The following CHMP4B variants were observed in gnomAD, a reference collection of about 807,000 sequenced individuals.
The protein encoded by CHMP4B is SNF7 homolog associated with Alix 1.
CHMP4B carries 1 observed loss-of-function variant against 25.1 expected under a neutral mutation model. The ratio of observed to expected loss-of-function variants is 0.04; its 90% confidence interval spans 0.01 to 0.19. The LOEUF (loss-of-function observed/expected upper bound fraction) is 0.19. Among genes scored for constraint, CHMP4B ranks in the 10% least tolerant of loss-of-function variants. The pLI is 1.00. For synonymous variants in CHMP4B, 101 were observed against 115.6 expected (o/e 0.87, Z 0.81); for missense variants, 151 against 289.7 (o/e 0.52, Z 3.48).
intron 1 of CHMP4B, among the ~76,000 whole-genome samples, chr20:33,830,069 A>G (rs1979197301): frequency 6.6e-6 from 1 of 152,262 alleles, no homozygotes; most frequent in East Asian, 1.9e-4. Context: ...AGCTGGAACC[A>G]GAACCAGGTC....
chr20:33,813,193 T>C (rs1978688100), intron 1 of CHMP4B, among the ~76,000 whole-genome samples: 1 of 149,182 alleles, frequency 6.7e-6, no homozygotes, highest in Non-Finnish European at 1.5e-5. Context: ...GAAAGCAGCA[T>C]GGGAAAAGGC....
At chr20:33,832,439 A>G (rs1027640532) in intron 1 of CHMP4B, among the ~76,000 whole-genome samples, 2 of 152,182 alleles carry the variant, frequency 1.3e-5, no homozygotes, top group Non-Finnish European at 2.9e-5. Flanking sequence ...GGGCCACACC[A>G]AAGCGCCAGT....
chr20:33,815,067 CA>C (rs542256844), intron 1 of CHMP4B, among the ~76,000 whole-genome samples: 182 of 152,324 alleles, frequency 1.2e-3, no homozygotes, highest in African/African-American at 4.1e-3. Flanking sequence ...AGAATCCCAT[CA>C]GGGGCAAGGA....
chr20:33,834,104 T>C (rs567277930), intron 1 of CHMP4B, among the ~76,000 whole-genome samples: 3 of 152,212 alleles, frequency 2.0e-5, no homozygotes, highest in African/African-American at 7.2e-5. Flanking sequence ...TGTAGTGATA[T>C]CACATTTATC....
Position 33,853,974 on chromosome 20 carries a change from C to T in CHMP4B, c.*414C>T, listed in dbSNP as rs371058569. On this transcript the variant is annotated 3_prime_UTR_variant, in exon 5 of 5. Coordinates refer to ENST00000217402, the MANE Select transcript of CHMP4B (RefSeq NM_176812.5). The stretch of plus-strand genomic sequence containing the variant: ...CCGCACATCTCTTTGTGTACTTGTA[C>T]GGTACTGGCAGAAAAGTCATTTTTC... 48 of 282,994 alleles carry T rather than the reference C, an allele frequency of 1.7e-4. No individual in the cohort carries two copies. The highest frequency in any genetic ancestry group is 3.0e-4 in the South Asian group (8 of 26,608). 17.5% of individuals were successfully genotyped at this position (282,994 alleles called of 1,614,324 possible).
chr20:33,844,038 T>C (rs1205306484), intron 1 of CHMP4B, among the ~76,000 whole-genome samples: 1 of 152,214 alleles, frequency 6.6e-6, no homozygotes, highest in Non-Finnish European at 1.5e-5. Flanking sequence ...GGGAAGAGGC[T>C]GTGTGAACCC....
chr20:33,851,168 G>A (rs1406029697), intron 3 of CHMP4B, 102 bp downstream of exon 3: 1 of 795,686 alleles, frequency 1.3e-6, no homozygotes, highest in Non-Finnish European at 2.2e-6. Context: ...ATTTGGACTT[G>A]GACAGAGACA....
At chr20:33,845,488 A>G (rs909401802) in intron 1 of CHMP4B, among the ~76,000 whole-genome samples, 1 of 151,776 alleles carries the variant, frequency 6.6e-6, no homozygotes, top group Admixed American at 6.6e-5. Context: ...ATGTCCGGCT[A>G]ATTTTTGTAT....
intron 1 of CHMP4B, among the ~76,000 whole-genome samples, chr20:33,833,342 T>C (rs1240825560): frequency 6.6e-6 from 1 of 152,138 alleles, no homozygotes; most frequent in Non-Finnish European, 1.5e-5. Flanking sequence ...CCTGACTCAG[T>C]CTCCATTTCC....
chr20:33,818,680 A>G (rs1698170101), intron 1 of CHMP4B, among the ~76,000 whole-genome samples: 1 of 152,208 alleles, frequency 6.6e-6, no homozygotes, highest in Non-Finnish European at 1.5e-5. Context: ...CTTTGACACT[A>G]GACATTTGTG....
intron 1 of CHMP4B, among the ~76,000 whole-genome samples, chr20:33,812,509 C>T (rs927578569): frequency 1.3e-5 from 2 of 152,240 alleles, no homozygotes; most frequent in African/African-American, 4.8e-5. Flanking sequence ...ACTTTACTTC[C>T]TGTTGTCGTA....
At chr20:33,826,089 G>T (rs1979086671) in intron 1 of CHMP4B, among the ~76,000 whole-genome samples, 1 of 152,220 alleles carries the variant, frequency 6.6e-6, no homozygotes, top group East Asian at 1.9e-4. Flanking sequence ...TCTGGTGAGG[G>T]CTGTAGAGAA....
chr20:33,821,336 G>C (rs2626562), intron 1 of CHMP4B, among the ~76,000 whole-genome samples: 1 of 149,018 alleles, frequency 6.7e-6, no homozygotes, highest in African/African-American at 2.5e-5. Flanking sequence ...GCAGTGAGCC[G>C]AGATTGTACC....
chr20:33,819,938 C>T lies in CHMP4B; in HGVS notation c.190+8280C>T, dbSNP rs1005580882. On this transcript the variant is annotated intron_variant, in intron 1 of 4. Coordinates refer to ENST00000217402, the MANE Select transcript of CHMP4B (RefSeq NM_176812.5). ...ATCCCAGCACTTTGGGAGGCCAAGG[C>T]GGGTGGATCACGAGGTCAGGAGATC... 4.0e-5 allele frequency among the ~76,000 whole-genome samples: 6 copies of T among 151,848 alleles called. No homozygotes were observed. The South Asian group carries it at 6.2e-4, about 16-fold the overall frequency.
At chr20:33,830,002 TC>T (rs1191564528) in intron 1 of CHMP4B, among the ~76,000 whole-genome samples, 1 of 152,176 alleles carries the variant, frequency 6.6e-6, no homozygotes, top group Non-Finnish European at 1.5e-5. Context: ...ATTCCCCCAC[TC>T]CCATTTTACA....
chr20:33,817,284 G>A (rs1356965172), intron 1 of CHMP4B, among the ~76,000 whole-genome samples: 1 of 152,254 alleles, frequency 6.6e-6, no homozygotes. Flanking sequence ...TGGAGTACCA[G>A]AGGCCCTATG....
intron 1 of CHMP4B, among the ~76,000 whole-genome samples, chr20:33,832,676 G>A (rs565188264): frequency 2.0e-4 from 30 of 152,074 alleles, no homozygotes; most frequent in Non-Finnish European, 4.0e-4. Context: ...TTAAAAACAT[G>A]TACCATACCT....
chr20:33,832,590 T>G (rs1409115165), intron 1 of CHMP4B, among the ~76,000 whole-genome samples: 1 of 152,204 alleles, frequency 6.6e-6, no homozygotes, highest in East Asian at 1.9e-4. Flanking sequence ...TACATAATTT[T>G]AAAAGTGCCT....
At chr20:33,822,693 C>T (rs772598433) in intron 1 of CHMP4B, among the ~76,000 whole-genome samples, 11 of 152,204 alleles carry the variant, frequency 7.2e-5, no homozygotes, top group East Asian at 3.8e-4. Context: ...CTCACAGCTG[C>T]GGACAGCCCT....
Sources: allele counts gnomAD v4.1 joint callset (sites outside exome capture counted in the v4.1 genomes callset), GRCh38; gene constraint gnomAD v4.1.1; transcripts MANE v1.5; gene names NCBI Gene and HGNC (gene_info 2026-07-23, HGNC 2026-07-21).